LMBR1: variants seen among roughly 807,000 people sequenced by gnomAD.
LMBR1 encodes limb region 1 protein homolog.
In LMBR1, 52 loss-of-function variants were observed where a neutral mutation model predicts 73.9. That is an observed-to-expected ratio of 0.70 (90% CI 0.56 to 0.89). LMBR1 has a LOEUF of 0.89. Among genes scored for constraint, LMBR1 ranks in the 40% least tolerant of loss-of-function variants. The pLI, the probability that LMBR1 is intolerant of heterozygous loss-of-function variation, is 0.00. For synonymous variants in LMBR1, 215 were observed against 209.4 expected (o/e 1.03, Z -0.23); for missense variants, 539 against 579.8 (o/e 0.93, Z 0.72).
chr7:156,756,596 A>G, intron 8 of LMBR1, 131 bp from the exon 9 acceptor site: 1 of 586,306 alleles, frequency 1.7e-6, no homozygotes, highest in Non-Finnish European at 3.0e-6. Flanking sequence ...CAAAACAAAA[A>G]AACTCCAACT....
intron 14 of LMBR1, 46 bp from the exon 15 acceptor site, chr7:156,724,224 A>G (rs764344778): frequency 1.4e-6 from 2 of 1,396,750 alleles, no homozygotes; most frequent in South Asian, 1.2e-5. Flanking sequence ...AAACAGCAGG[A>G]TGACAATCAA....
At chr7:156,877,881 CAAA>C (rs35576209) in intron 1 of LMBR1, among the ~76,000 whole-genome samples, 25 of 121,916 alleles carry the variant, frequency 2.1e-4, no homozygotes, top group Admixed American at 4.1e-4. Context: ...AGACTCCACT[CAAA>C]AAAAAAAAAA....
intron 4 of LMBR1, among the ~76,000 whole-genome samples, chr7:156,817,729 T>C (rs772476770): frequency 6.6e-6 from 1 of 152,140 alleles, no homozygotes. Flanking sequence ...AAAATGCATA[T>C]CATAAAATCC....
chr7:156,780,777 T>C (rs1826986451), intron 5 of LMBR1, among the ~76,000 whole-genome samples: 1 of 152,168 alleles, frequency 6.6e-6, no homozygotes, highest in Non-Finnish European at 1.5e-5. Context: ...ATGCCAGAAT[T>C]CACTTTCAAT....
At chr7:156,798,045 T>C (rs566198358) in intron 4 of LMBR1, among the ~76,000 whole-genome samples, 1 of 152,344 alleles carries the variant, frequency 6.6e-6, no homozygotes, top group Admixed American at 6.5e-5. Context: ...TGTTTTATTG[T>C]GCTAATTACT....
At chr7:156,687,504 C>T (rs955923066) in intron 16 of LMBR1, among the ~76,000 whole-genome samples, 4 of 152,200 alleles carry the variant, frequency 2.6e-5, no homozygotes, top group African/African-American at 4.8e-5. Context: ...ACATGTGACT[C>T]TTGGAACACA....
At position 156,832,990 on chromosome 7, in the gene LMBR1, C is replaced by T. The variant is rs149616550; in HGVS notation, c.179+763G>A. ...AGTTTGAATGGAGTGTGAGTGGTAC[C>T]GCTGTCTATGCTAATTTCACTATTT... is the stretch of plus-strand genomic sequence containing the variant. On this transcript the variant is annotated intron_variant, in intron 3 of 16. Transcript: ENST00000353442. Among the ~76,000 whole-genome samples the T allele has an allele frequency of 7.9e-5, 12 of 152,164 alleles. No homozygotes were observed. The East Asian group carries it at 2.3e-3, about 29-fold the overall frequency.
At chr7:156,803,194 C>T (rs374428882) in intron 4 of LMBR1, among the ~76,000 whole-genome samples, 4 of 152,040 alleles carry the variant, frequency 2.6e-5, no homozygotes, top group Admixed American at 6.6e-5. Context: ...CAAAAGAAAC[C>T]ACCATCAGAG....
Position 156,779,610 on chromosome 7 carries a change from T to C in LMBR1, c.424-15815A>G, listed in dbSNP as rs6970048. 6.1e-3 allele frequency: 6,265 copies of C among 1,030,690 alleles called. 259 individuals are homozygous for C. In the African/African-American group the frequency reaches 0.089, roughly 15 times the overall value. 63.8% of individuals were successfully genotyped at this position (1,030,690 alleles called of 1,614,324 possible). A position where few individuals can be genotyped will look rare whatever the true frequency, so the allele number is the denominator to read the frequency against. ...TTGGAATTTTTGTGCTGGTCAATTA[T>C]ACATTTAATTCACATCAATGAAGTG... On this transcript the variant is annotated intron_variant, in intron 5 of 16. Transcript: ENST00000353442.
intron 5 of LMBR1, among the ~76,000 whole-genome samples, chr7:156,789,880 G>A (rs557592546): frequency 1.3e-5 from 2 of 150,938 alleles, no homozygotes; most frequent in South Asian, 4.2e-4. Flanking sequence ...CTATAAAACT[G>A]TTTCATGAGT....
At chr7:156,851,609 G>C (rs893124392) in intron 1 of LMBR1, among the ~76,000 whole-genome samples, 1 of 152,288 alleles carries the variant, frequency 6.6e-6, no homozygotes, top group Middle Eastern at 3.4e-3. Context: ...AGTGAGGAGA[G>C]AAGAGGGTAG....
At chr7:156,817,933 C>T (rs1834184446) in intron 4 of LMBR1, among the ~76,000 whole-genome samples, 1 of 152,140 alleles carries the variant, frequency 6.6e-6, no homozygotes, top group Admixed American at 6.5e-5. Context: ...CTGTTTGGAT[C>T]GACAAGATAT....
intron 3 of LMBR1, among the ~76,000 whole-genome samples, chr7:156,828,044 G>A (rs1836004075): frequency 6.6e-6 from 1 of 152,190 alleles, no homozygotes; most frequent in Non-Finnish European, 1.5e-5. Context: ...GCGGTCTCCA[G>A]CAAGCTTCTC....
Position 156,727,972 on chromosome 7 carries a change from A to G in LMBR1, c.951T>C (p.Leu317=), listed in dbSNP as rs773284727. ...ISVLLVACNI[L]CLLVDETAMP... ...TTGCTGTTTCATCAACCAATAGGCA[A>G]AGAATATTACAAGCCACCAAGAGGA... The change falls in exon 12 of 17, where the codon CTT becomes CTC. Residue 317 remains leucine, a synonymous_variant. Transcript: ENST00000353442. The G allele has an allele frequency of 6.2e-7, 1 of 1,613,556 alleles. No homozygotes were observed. Among genetic ancestry groups the G allele is most frequent in the Non-Finnish European group, 8.5e-7 (1 of 1,179,772 alleles).
chr7:156,698,616 A>G (rs1397972425), intron 15 of LMBR1, among the ~76,000 whole-genome samples: 1 of 152,200 alleles, frequency 6.6e-6, no homozygotes, highest in Non-Finnish European at 1.5e-5. Flanking sequence ...CAACAGCCCA[A>G]GCTGTACCCT....
intron 5 of LMBR1, among the ~76,000 whole-genome samples, chr7:156,768,886 T>C (rs1184892255): frequency 1.3e-5 from 2 of 152,294 alleles, no homozygotes; most frequent in Non-Finnish European, 2.9e-5. Context: ...ACAGCTGTCC[T>C]TTCTCAGGAG....
At chr7:156,859,453 T>A (rs2134172884) in intron 1 of LMBR1, among the ~76,000 whole-genome samples, 1 of 151,986 alleles carries the variant, frequency 6.6e-6, no homozygotes, top group Non-Finnish European at 1.5e-5. Flanking sequence ...ATGTAGAAAA[T>A]CCTAATGAAT....
chr7:156,719,090 G>C (rs543802228), intron 15 of LMBR1, among the ~76,000 whole-genome samples: 1 of 150,996 alleles, frequency 6.6e-6, no homozygotes, highest in South Asian at 2.1e-4. Flanking sequence ...CCATTAACTC[G>C]TCATTTAGCA....
intron 1 of LMBR1, among the ~76,000 whole-genome samples, chr7:156,854,477 C>T (rs1344662632): frequency 3.3e-5 from 5 of 152,144 alleles, no homozygotes; most frequent in Admixed American, 3.3e-4. Context: ...TTCAAGCTTC[C>T]AGCAGGAAAA....
Sources: allele counts gnomAD v4.1 joint callset (sites outside exome capture counted in the v4.1 genomes callset), GRCh38; gene constraint gnomAD v4.1.1; transcripts MANE v1.5; gene names NCBI Gene and HGNC (gene_info 2026-07-23, HGNC 2026-07-21).